SKAP1: variants seen among roughly 807,000 people sequenced by gnomAD.
SKAP1 encodes the protein src kinase associated phosphoprotein 1.
A neutral mutation model predicts 58.5 loss-of-function variants in SKAP1; 44 were observed. The observed-to-expected ratio is 0.75, with a 90% confidence interval of 0.59 to 0.97. SKAP1 has a LOEUF of 0.97. SKAP1 is among the 50% of genes least tolerant of loss of function. The probability of loss-of-function intolerance (pLI) is 0.00; values close to 1 mark genes in which losing one functional copy is unlikely to be tolerated. For synonymous variants in SKAP1, 127 were observed against 149.7 expected (o/e 0.85, Z 1.11); for missense variants, 390 against 435.2 (o/e 0.90, Z 0.92).
chr17:48,224,035 A>AGAGGAAGG (rs1406032187), intron 4 of SKAP1, among the ~76,000 whole-genome samples: 1 of 65,434 alleles, frequency 1.5e-5, no homozygotes, highest in Admixed American at 1.9e-4. Context: ...AGAGAGAGAG[A>AGAGGAAGG]AGAAGGAGGA....
chr17:48,363,746 C>T (rs150121451), intron 3 of SKAP1, 43 bp downstream of exon 3: 1 of 1,540,086 alleles, frequency 6.5e-7, no homozygotes, highest in Non-Finnish European at 8.9e-7. Context: ...ATCCCATTTA[C>T]ACATTTTTAG....
chr17:48,157,258 C>T (rs2063990022), intron 11 of SKAP1, among the ~76,000 whole-genome samples: 2 of 148,160 alleles, frequency 1.3e-5, no homozygotes, highest in African/African-American at 5.0e-5. Flanking sequence ...TTTTTTGAGA[C>T]GGAGTCTCGC....
intron 11 of SKAP1, among the ~76,000 whole-genome samples, chr17:48,149,694 T>C (rs532670930): frequency 6.6e-6 from 1 of 152,298 alleles, no homozygotes; most frequent in Admixed American, 6.5e-5. Context: ...ACTAATGATC[T>C]GTTTACTGCT....
At chr17:48,177,542 C>T (rs1048449774) in intron 9 of SKAP1, among the ~76,000 whole-genome samples, 5 of 152,136 alleles carry the variant, frequency 3.3e-5, no homozygotes, top group Non-Finnish European at 5.9e-5. Context: ...GAGCTAGTAT[C>T]TGTGCCTAGG....
Position 48,341,279 on chromosome 17 carries a change from C to T in SKAP1, c.280+4626G>A, listed in dbSNP as rs890481636. On this transcript the variant is annotated intron_variant, in intron 4 of 12. Coordinates refer to ENST00000336915, the MANE Select transcript of SKAP1 (RefSeq NM_003726.4). Reference sequence around the variant, plus strand: ...TTAAGACAAACTTGAACTCTGGCTACAATAATTTAATCAGTAAATTAAACC... The same window carrying T: ...TTAAGACAAACTTGAACTCTGGCTATAATAATTTAATCAGTAAATTAAACC... 2.6e-4 allele frequency among the ~76,000 whole-genome samples: 40 copies of T among 152,100 alleles called. 1 individual carries two copies.
chr17:48,383,258 A>G (rs2067239492), intron 2 of SKAP1, among the ~76,000 whole-genome samples: 1 of 152,210 alleles, frequency 6.6e-6, no homozygotes, highest in Admixed American at 6.5e-5. Context: ...CTCACTTTGG[A>G]AAAGTAGTCT....
intron 4 of SKAP1, among the ~76,000 whole-genome samples, chr17:48,230,688 T>C (rs2065116390): frequency 6.6e-6 from 1 of 152,014 alleles, no homozygotes. Context: ...CCTGGGGAGA[T>C]AGAGGCTACG....
chr17:48,135,424 C>G (rs1461951329), intron 12 of SKAP1, among the ~76,000 whole-genome samples: 3 of 152,166 alleles, frequency 2.0e-5, no homozygotes, highest in Non-Finnish European at 2.9e-5. Flanking sequence ...AAACCAGGCA[C>G]CCACCCCCAC....
chr17:48,423,020 T>C (rs769391354), intron 1 of SKAP1, among the ~76,000 whole-genome samples: 4 of 152,106 alleles, frequency 2.6e-5, no homozygotes, highest in African/African-American at 4.8e-5. Context: ...AGAAGCATAA[T>C]AGAAGAAAAC....
Position 48,234,101 on chromosome 17 carries a change from C to T in SKAP1, c.281-44601G>A, listed in dbSNP as rs375520249. On this transcript the variant is annotated intron_variant, in intron 4 of 12. Coordinates refer to ENST00000336915, the MANE Select transcript of SKAP1 (RefSeq NM_003726.4). ...GCTTTATTTATTTATGCTTTAATGC[C>T]TTTCCTCTTAAGAGCTCAAGATGCT... 5.9e-5 allele frequency among the ~76,000 whole-genome samples: 9 copies of T among 152,174 alleles called. No individual in the cohort carries two copies. The East Asian group carries it at 1.5e-3, about 26-fold the overall frequency.
intron 10 of SKAP1, among the ~76,000 whole-genome samples, chr17:48,170,320 G>C (rs537240809): frequency 6.6e-6 from 1 of 152,166 alleles, no homozygotes; most frequent in Admixed American, 6.5e-5. Flanking sequence ...TCACTGTACT[G>C]ATATAAGAAA....
chr17:48,334,831 AATTAAT>A (rs1252235193), intron 4 of SKAP1, among the ~76,000 whole-genome samples: 1 of 151,898 alleles, frequency 6.6e-6, no homozygotes, highest in African/African-American at 2.4e-5. Context: ...TAATACTAAA[AATTAAT>A]ATTAATAAAT....
intron 3 of SKAP1, among the ~76,000 whole-genome samples, chr17:48,357,342 A>G (rs1054310062): frequency 3.3e-5 from 5 of 152,178 alleles, no homozygotes; most frequent in African/African-American, 1.2e-4. Context: ...TAAAAAAAAA[A>G]TCTTTTGGCC....
At chr17:48,375,997 C>T (rs371543829) in intron 2 of SKAP1, among the ~76,000 whole-genome samples, 5 of 152,212 alleles carry the variant, frequency 3.3e-5, no homozygotes, top group Admixed American at 2.0e-4. Context: ...AGACGCCTTT[C>T]GGTTCCAAAC....
At chr17:48,414,001 T>G (rs750445243) in intron 1 of SKAP1, among the ~76,000 whole-genome samples, 73 of 152,292 alleles carry the variant, frequency 4.8e-4, no homozygotes, top group Non-Finnish European at 8.7e-4. Context: ...AAAACAACCA[T>G]AAACAATGCT....
At chr17:48,392,880 T>A (rs1024736722) in intron 2 of SKAP1, among the ~76,000 whole-genome samples, 31 of 145,454 alleles carry the variant, frequency 2.1e-4, no homozygotes, top group African/African-American at 3.5e-4. Flanking sequence ...TATATATATT[T>A]TTTTTTTCTT....
chr17:48,418,096 T>TG (rs1175626142), intron 1 of SKAP1, among the ~76,000 whole-genome samples: 1 of 152,056 alleles, frequency 6.6e-6, no homozygotes, highest in Non-Finnish European at 1.5e-5. Context: ...AAGACCAGAC[T>TG]GGACAATACA....
chr17:48,170,748 TG>T (rs1355487145), intron 9 of SKAP1, 89 bp from the exon 10 acceptor site: 33 of 1,191,248 alleles, frequency 2.8e-5, no homozygotes, highest in African/African-American at 2.8e-4. Flanking sequence ...CTTGCTCTGT[TG>T]TCTAGGCTGA....
chr17:48,266,693 G>A (rs1404028013), intron 4 of SKAP1, among the ~76,000 whole-genome samples: 1 of 151,820 alleles, frequency 6.6e-6, no homozygotes, highest in African/African-American at 2.4e-5. Context: ...TGTATTTTTA[G>A]TAGAGACAGG....
Sources: gnomAD v4.1 joint callset for allele counts (sites outside exome capture counted in the v4.1 genomes callset) on GRCh38, gnomAD v4.1.1 for gene constraint, MANE v1.5 for transcripts, NCBI Gene and HGNC (gene_info 2026-07-23, HGNC 2026-07-21) for gene names.